RAD51B: variants seen among roughly 807,000 people sequenced by gnomAD.
The protein encoded by RAD51B is RAD51 paralog B.
In RAD51B, 38 loss-of-function variants were observed where a neutral mutation model predicts 42.2. The ratio of observed to expected loss-of-function variants is 0.90; its 90% CI spans 0.70 to 1.18. The LOEUF is 1.18. RAD51B is among the 50% of genes most tolerant of loss of function. The pLI is 0.00. For missense variants in RAD51B, 373 were observed against 400.7 expected (o/e 0.93, Z 0.59); for synonymous variants, 154 against 145.2 (o/e 1.06, Z -0.43).
At chr14:68,143,966 A>G (rs2078197733) in intron 7 of RAD51B, among the ~76,000 whole-genome samples, 1 of 151,008 alleles carries the variant, frequency 6.6e-6, no homozygotes, top group African/African-American at 2.4e-5. Flanking sequence ...TCTCTTCTAC[A>G]TTACTCAGCC....
intron 7 of RAD51B, among the ~76,000 whole-genome samples, chr14:68,223,986 G>GT (rs1226358278): frequency 7.9e-5 from 12 of 152,252 alleles, no homozygotes; most frequent in African/African-American, 2.6e-4. Flanking sequence ...CCTCAGCCAT[G>GT]TTTTTTTGTT....
At chr14:67,821,518 C>T (rs918823671) in intron 1 of RAD51B, among the ~76,000 whole-genome samples, 31 of 152,202 alleles carry the variant, frequency 2.0e-4, no homozygotes, top group African/African-American at 7.5e-4. Context: ...AGTGCAGTGG[C>T]ATGACCACAG....
At chr14:68,169,611 A>G (rs1415572443) in intron 7 of RAD51B, among the ~76,000 whole-genome samples, 3 of 152,220 alleles carry the variant, frequency 2.0e-5, no homozygotes, top group South Asian at 2.1e-4. Context: ...TGTATCACAC[A>G]TAACTCTCTG....
At chr14:68,452,183 T>G (rs991476873) in intron 9 of RAD51B, among the ~76,000 whole-genome samples, 11 of 151,968 alleles carry the variant, frequency 7.2e-5, no homozygotes, top group Non-Finnish European at 1.2e-4. Context: ...GTGCATCTTG[T>G]TTTTTTTGGT....
chr14:68,620,722 A>G (rs1891927641), intron 10 of RAD51B, among the ~76,000 whole-genome samples: 1 of 152,212 alleles, frequency 6.6e-6, no homozygotes, highest in African/African-American at 2.4e-5. Flanking sequence ...GTGAATCTAA[A>G]GTTTATTTTC....
chr14:67,880,624 T>C (rs539598339), intron 5 of RAD51B, among the ~76,000 whole-genome samples: 2 of 152,338 alleles, frequency 1.3e-5, no homozygotes, highest in African/African-American at 4.8e-5. Context: ...TTTTGAGGTT[T>C]TTATCCATGA....
chr14:68,336,904 G>T (rs1407510932), intron 8 of RAD51B, among the ~76,000 whole-genome samples: 1 of 152,092 alleles, frequency 6.6e-6, no homozygotes, highest in African/African-American at 2.4e-5. Context: ...TTTATATAAG[G>T]TAGAATACTC....
chr14:67,994,807 A>G (rs748571416), intron 7 of RAD51B, among the ~76,000 whole-genome samples: 2 of 152,226 alleles, frequency 1.3e-5, no homozygotes, highest in Non-Finnish European at 2.9e-5. Flanking sequence ...TAGAAGAGAT[A>G]TTTCTACACT....
chr14:68,088,710 G>A (rs1238059169), intron 7 of RAD51B, among the ~76,000 whole-genome samples: 1 of 150,658 alleles, frequency 6.6e-6, no homozygotes, highest in Non-Finnish European at 1.5e-5. Context: ...GTGGGGGAGA[G>A]AAATAAATGG....
At chr14:68,494,111 A>G (rs1884304709) in intron 10 of RAD51B, among the ~76,000 whole-genome samples, 1 of 152,066 alleles carries the variant, frequency 6.6e-6, no homozygotes, top group African/African-American at 2.4e-5. Context: ...CCCTGTCTCT[A>G]CTAAAAATAC....
intron 7 of RAD51B, among the ~76,000 whole-genome samples, chr14:68,064,927 T>C (rs1343184575): frequency 1.3e-5 from 2 of 152,248 alleles, no homozygotes; most frequent in Non-Finnish European, 2.9e-5. Flanking sequence ...TTGCTGAGTT[T>C]AAGATTTTTG....
At chr14:68,130,515 T>A (rs2077864947) in intron 7 of RAD51B, among the ~76,000 whole-genome samples, 1 of 152,248 alleles carries the variant, frequency 6.6e-6, no homozygotes, top group South Asian at 2.1e-4. Context: ...CAACTGTATT[T>A]GTTCTTCAAA....
At chr14:68,051,898 G>GTT (rs1449860384) in intron 7 of RAD51B, among the ~76,000 whole-genome samples, 1 of 147,686 alleles carries the variant, frequency 6.8e-6, no homozygotes, top group Non-Finnish European at 1.5e-5. Flanking sequence ...GTGTGTGTGT[G>GTT]TAAAATGCAG....
intron 4 of RAD51B, 131 bp downstream of exon 4, chr14:67,835,327 A>G: frequency 1.4e-6 from 1 of 708,198 alleles, no homozygotes. Context: ...CTTCAAGGAT[A>G]TGGTTCTCCA....
At chr14:68,073,165 G>GT (rs2076780792) in intron 7 of RAD51B, among the ~76,000 whole-genome samples, 2 of 152,122 alleles carry the variant, frequency 1.3e-5, no homozygotes, top group African/African-American at 4.8e-5. Context: ...ATGTCTTTTC[G>GT]TAAGTCTCTA....
chr14:68,193,367 T>C (rs2079305227), intron 7 of RAD51B, among the ~76,000 whole-genome samples: 2 of 152,180 alleles, frequency 1.3e-5, no homozygotes, highest in African/African-American at 4.8e-5. Flanking sequence ...GTATTTTAAT[T>C]GATTTTGTAC....
At chr14:68,648,051 A>ATG (rs1259573546) in intron 10 of RAD51B, among the ~76,000 whole-genome samples, 17 of 137,336 alleles carry the variant, frequency 1.2e-4, no homozygotes, top group African/African-American at 4.8e-4. Flanking sequence ...ACGTATATAG[A>ATG]TGTGTGTGTG....
chr14:67,922,462 A>G (rs1432955979), intron 7 of RAD51B, among the ~76,000 whole-genome samples: 5 of 152,262 alleles, frequency 3.3e-5, no homozygotes, highest in African/African-American at 1.2e-4. Context: ...TTATTTTCTA[A>G]TGTTTAAAGA....
exon 11 of RAD51B, chr14:68,595,898 C>G: frequency 3.4e-6 from 1 of 297,838 alleles, no homozygotes; most frequent in Non-Finnish European, 5.5e-6. Context: ...GTTAACAGTG[C>G]AATCTCTGGG....
Sources: gnomAD v4.1 joint callset for allele counts (sites outside exome capture counted in the v4.1 genomes callset) on GRCh38, gnomAD v4.1.1 for gene constraint, MANE v1.5 for transcripts, NCBI Gene and HGNC (gene_info 2026-07-23, HGNC 2026-07-21) for gene names.